The following TNIK variants were observed in gnomAD, a reference collection of about 807,000 sequenced individuals.
The protein encoded by TNIK is TRAF2 and NCK interacting kinase.
In TNIK, 49 loss-of-function variants were observed where a neutral mutation model predicts 191.3. The ratio of observed to expected loss-of-function variants is 0.26; its 90% confidence interval spans 0.20 to 0.32. TNIK has a LOEUF of 0.32. Among genes scored for constraint, TNIK ranks in the 10% least tolerant of loss-of-function variants. The pLI is 1.00. For synonymous variants in TNIK, 594 were observed against 600.9 expected, an observed-to-expected ratio of 0.99 and a Z score of 0.17; for missense variants, 1,155 against 1,702.3, an observed-to-expected ratio of 0.68 and a Z score of 5.66.
chr3:171,266,647 C>A (rs1042857530), intron 2 of TNIK, among the ~76,000 whole-genome samples: 1 of 152,216 alleles, frequency 6.6e-6, no homozygotes, highest in African/African-American at 2.4e-5. Flanking sequence ...AATCTGCATG[C>A]TTCCATGGGA....
intron 4 of TNIK, among the ~76,000 whole-genome samples, chr3:171,207,485 C>T (rs1740243216): frequency 6.6e-6 from 1 of 151,996 alleles, no homozygotes. Flanking sequence ...TAGACATGAG[C>T]CACCATGCCC....
At chr3:171,092,050 C>T (rs1722143893) in intron 23 of TNIK, among the ~76,000 whole-genome samples, 2 of 151,268 alleles carry the variant, frequency 1.3e-5, no homozygotes, top group Admixed American at 1.3e-4. Flanking sequence ...CCCGGGTTCA[C>T]GCCATTCTCC....
chr3:171,403,622 A>G (rs1006819447), intron 1 of TNIK, among the ~76,000 whole-genome samples: 1 of 117,348 alleles, frequency 8.5e-6, no homozygotes, highest in South Asian at 4.3e-4. Context: ...AAAAAAAAAA[A>G]AAAAAAAAAA....
intron 2 of TNIK, among the ~76,000 whole-genome samples, chr3:171,354,475 A>G (rs1713718228): frequency 6.6e-6 from 1 of 152,152 alleles, no homozygotes. Context: ...CGGCTGACAC[A>G]AGACTAAAGC....
At chr3:171,227,294 T>C (rs544418853) in intron 3 of TNIK, among the ~76,000 whole-genome samples, 22 of 152,302 alleles carry the variant, frequency 1.4e-4, no homozygotes, top group Admixed American at 1.3e-3. Flanking sequence ...TTTTGTTTCA[T>C]TGTTGCTCTA....
At chr3:171,066,853 T>G (rs1055889822) in intron 30 of TNIK, 118 bp from the exon 31 acceptor site, 1 of 1,261,052 alleles carries the variant, frequency 7.9e-7, no homozygotes, top group African/African-American at 1.5e-5. Flanking sequence ...CCCTAAAGAC[T>G]GAAATTTGCT....
chr3:171,313,728 C>T (rs1003146418), intron 2 of TNIK, among the ~76,000 whole-genome samples: 3 of 152,134 alleles, frequency 2.0e-5, no homozygotes, highest in African/African-American at 4.8e-5. Flanking sequence ...GCCAATCTGT[C>T]ACCACGAGAG....
intron 1 of TNIK, among the ~76,000 whole-genome samples, chr3:171,381,747 A>G (rs1718056856): frequency 6.6e-6 from 1 of 152,226 alleles, no homozygotes; most frequent in Admixed American, 6.5e-5. Flanking sequence ...TGTGTGGGGC[A>G]TTCAGAAGGG....
intron 2 of TNIK, among the ~76,000 whole-genome samples, chr3:171,249,931 T>C (rs1746045164): frequency 6.6e-6 from 1 of 152,176 alleles, no homozygotes; most frequent in Non-Finnish European, 1.5e-5. Flanking sequence ...GCTAAGGTTT[T>C]ACATGATTAC....
intron 1 of TNIK, among the ~76,000 whole-genome samples, chr3:171,417,158 T>G (rs1560045968): frequency 1.3e-5 from 2 of 152,236 alleles, no homozygotes; most frequent in African/African-American, 4.8e-5. Context: ...ATATATTTCA[T>G]GAAATGTTTA....
At chr3:171,169,219 C>A (rs542649255) in intron 9 of TNIK, among the ~76,000 whole-genome samples, 3 of 151,536 alleles carry the variant, frequency 2.0e-5, no homozygotes, top group African/African-American at 4.8e-5. Context: ...ATATAAATGG[C>A]AGTTCTCTTT....
At chr3:171,124,432 A>T (rs961479946) in intron 17 of TNIK, among the ~76,000 whole-genome samples, 13 of 152,200 alleles carry the variant, frequency 8.5e-5, no homozygotes, top group Non-Finnish European at 1.9e-4. Context: ...TTATTAGCTT[A>T]TCTGGCAGAA....
intron 12 of TNIK, among the ~76,000 whole-genome samples, chr3:171,154,625 TC>T (rs1393018341): frequency 6.6e-6 from 1 of 152,196 alleles, no homozygotes; most frequent in African/African-American, 2.4e-5. Context: ...CCCTGAAGGC[TC>T]CCATTATTCT....
chr3:171,071,854 G>A (rs558902511), intron 28 of TNIK, among the ~76,000 whole-genome samples: 81 of 152,246 alleles, frequency 5.3e-4, no homozygotes, highest in African/African-American at 1.9e-3. Flanking sequence ...GGTTCTGTTA[G>A]TGGCTTAAAG....
intron 22 of TNIK, among the ~76,000 whole-genome samples, chr3:171,094,550 CT>C (rs756837498): frequency 1.1e-4 from 16 of 152,116 alleles, no homozygotes; most frequent in Non-Finnish European, 1.9e-4. Flanking sequence ...TTGGCTTTAC[CT>C]GGAAAAAACA....
chr3:171,226,900 G>C (rs777275639), intron 3 of TNIK, among the ~76,000 whole-genome samples: 1 of 151,782 alleles, frequency 6.6e-6, no homozygotes, highest in Admixed American at 6.6e-5. Flanking sequence ...AAAAGGTATG[G>C]GTTGAAGTTT....
intron 2 of TNIK, among the ~76,000 whole-genome samples, chr3:171,316,533 C>T (rs1560418320): frequency 1.3e-5 from 2 of 152,020 alleles, no homozygotes; most frequent in African/African-American, 4.8e-5. Context: ...GTATGGTCTT[C>T]GGGAGAACAG....
intron 9 of TNIK, among the ~76,000 whole-genome samples, chr3:171,167,891 C>G (rs1188922752): frequency 6.6e-6 from 1 of 152,206 alleles, no homozygotes; most frequent in Non-Finnish European, 1.5e-5. Context: ...TTCAGAATCA[C>G]TTTTGAACGC....
At position 171,084,221 on chromosome 3, in the gene TNIK, C is replaced by T. The variant is rs371416340; in HGVS notation, c.3103G>A (p.Asp1035Asn). The change falls in exon 26 of 33, where the codon GAC (aspartate) becomes AAC (asparagine). Residue 1035 changes from aspartate (D) to asparagine (N), a missense_variant. This residue lies in a region of TNIK where 195 missense variants were observed against 415.4 expected (regional missense o/e 0.47). Transcript: ENST00000436636. ...VNPTNIRPHSDTPEIRKYKKR... is the reference protein window; with the variant it reads ...VNPTNIRPHSNTPEIRKYKKR... The stretch of plus-strand genomic sequence containing the variant: ...TTGTATTTTCTGATTTCTGGTGTGT[C>T]GCTATGAGGCCGAATGTTGGTTGGG... 2.5e-6 allele frequency: 4 copies of T among 1,613,012 alleles called. No homozygotes were observed. The highest frequency in any genetic ancestry group is 1.1e-5 in the South Asian group (1 of 91,012).
Sources: allele counts gnomAD v4.1 joint callset (sites outside exome capture counted in the v4.1 genomes callset), GRCh38; gene constraint gnomAD v4.1.1; regional missense constraint gnomAD v4.1.1; transcripts MANE v1.5; gene names NCBI Gene and HGNC (gene_info 2026-07-23, HGNC 2026-07-21).